The following MAN1A2 variants were observed in gnomAD, a reference collection of about 807,000 sequenced individuals.
MAN1A2 encodes mannosidase alpha class 1A member 2.
MAN1A2 carries 26 observed loss-of-function variants against 75.7 expected under a neutral mutation model. The observed-to-expected ratio is 0.34, with a 90% CI of 0.25 to 0.48. The LOEUF is 0.48. Among genes scored for constraint, MAN1A2 ranks in the 20% least tolerant of loss-of-function variants. MAN1A2 has a pLI of 0.99. For missense variants in MAN1A2, 562 were observed against 775.5 expected (o/e 0.72, Z 3.27); for synonymous variants, 247 against 264.6 (o/e 0.93, Z 0.65).
intron 5 of MAN1A2, among the ~76,000 whole-genome samples, chr1:117,425,126 G>A (rs74496340): frequency 0.12 from 17,616 of 141,112 alleles, 1,117 homozygotes; most frequent in Non-Finnish European, 0.14. Context: ...AGGGAAAGGG[G>A]GAAGGAAGGG....
At chr1:117,462,817 G>A (rs1358039324) in intron 7 of MAN1A2, among the ~76,000 whole-genome samples, 2 of 152,094 alleles carry the variant, frequency 1.3e-5, no homozygotes, top group African/African-American at 4.8e-5. Flanking sequence ...GACCCAATTC[G>A]TATAATTTGC....
intron 6 of MAN1A2, among the ~76,000 whole-genome samples, chr1:117,454,929 A>T (rs1337089523): frequency 1.3e-5 from 2 of 152,148 alleles, no homozygotes; most frequent in Admixed American, 1.3e-4. Flanking sequence ...TCATAAAAAA[A>T]TAAGCCGGTA....
At chr1:117,469,799 C>G (rs878979530) in intron 8 of MAN1A2, among the ~76,000 whole-genome samples, 1 of 152,058 alleles carries the variant, frequency 6.6e-6, no homozygotes, top group African/African-American at 2.4e-5. Flanking sequence ...ACTAGGAAGA[C>G]TGTAATCAAA....
intron 5 of MAN1A2, among the ~76,000 whole-genome samples, chr1:117,424,492 G>C (rs1648302832): frequency 6.6e-6 from 1 of 152,188 alleles, no homozygotes; most frequent in Admixed American, 6.5e-5. Context: ...TGTCCTTTCT[G>C]TGCCCTGGAA....
At chr1:117,434,663 C>G (rs543356921) in intron 5 of MAN1A2, among the ~76,000 whole-genome samples, 114 of 151,086 alleles carry the variant, frequency 7.5e-4, no homozygotes, top group Admixed American at 3.6e-3. Flanking sequence ...AACTATAAAC[C>G]TAAATTTGTA....
intron 7 of MAN1A2, among the ~76,000 whole-genome samples, chr1:117,461,680 A>G (rs965573752): frequency 6.6e-6 from 1 of 152,158 alleles, no homozygotes; most frequent in Non-Finnish European, 1.5e-5. Flanking sequence ...ATAAAAATTA[A>G]AAATAAAAAT....
intron 12 of MAN1A2, among the ~76,000 whole-genome samples, chr1:117,518,731 A>G (rs1464862415): frequency 6.6e-6 from 1 of 152,074 alleles, no homozygotes; most frequent in South Asian, 2.1e-4. Context: ...GCAACACAAC[A>G]ATAATGGAGG....
At chr1:117,418,543 A>T (rs751900893) in intron 4 of MAN1A2, among the ~76,000 whole-genome samples, 1 of 152,130 alleles carries the variant, frequency 6.6e-6, no homozygotes, top group Non-Finnish European at 1.5e-5. Context: ...TTTTCAGTTT[A>T]ATTTTAAAAA....
chr1:117,512,750 T>TATACAC (rs1553241970), intron 12 of MAN1A2, among the ~76,000 whole-genome samples: 5 of 143,766 alleles, frequency 3.5e-5, no homozygotes, highest in African/African-American at 1.0e-4. Context: ...GGCACTGGGA[T>TATACAC]ACACACACAC....
At chr1:117,451,015 A>G (rs900798926) in intron 6 of MAN1A2, among the ~76,000 whole-genome samples, 2 of 152,222 alleles carry the variant, frequency 1.3e-5, no homozygotes, top group Admixed American at 6.5e-5. Flanking sequence ...CCAGACCCCA[A>G]AATGGTAGAT....
intron 11 of MAN1A2, among the ~76,000 whole-genome samples, chr1:117,501,478 A>C (rs781420402): frequency 6.6e-6 from 1 of 151,770 alleles, no homozygotes; most frequent in Admixed American, 6.6e-5. Flanking sequence ...AGCCTTAGCT[A>C]TTCTGTTTAC....
intron 6 of MAN1A2, among the ~76,000 whole-genome samples, chr1:117,458,904 A>G (rs1338772292): frequency 6.6e-6 from 1 of 152,172 alleles, no homozygotes; most frequent in African/African-American, 2.4e-5. Flanking sequence ...GGAATAATCC[A>G]GGAACTCTGC....
At chr1:117,510,240 G>A (rs879348259) in intron 12 of MAN1A2, among the ~76,000 whole-genome samples, 14 of 151,874 alleles carry the variant, frequency 9.2e-5, no homozygotes, top group Non-Finnish European at 1.5e-4. Flanking sequence ...GGATGACTAG[G>A]GCAGTGGCAT....
intron 1 of MAN1A2, among the ~76,000 whole-genome samples, chr1:117,400,097 C>T (rs1647369682): frequency 6.6e-6 from 1 of 152,000 alleles, no homozygotes; most frequent in South Asian, 2.1e-4. Context: ...CTGCCTGAGT[C>T]GCCTGAACAG....
intron 8 of MAN1A2, among the ~76,000 whole-genome samples, chr1:117,472,384 T>C (rs1454953075): frequency 6.6e-6 from 1 of 152,046 alleles, no homozygotes; most frequent in East Asian, 1.9e-4. Context: ...GATAGTATTA[T>C]AGGAATATAT....
rs114888373 is a variant in MAN1A2, at chr1:117,479,140, A to G, written c.1168+12713A>G. On this transcript the variant is annotated intron_variant, in intron 8 of 12. Coordinates refer to ENST00000356554, the MANE Select transcript of MAN1A2 (RefSeq NM_006699.5). The stretch of plus-strand genomic sequence containing the variant: ...CCCCATGTATCCATGTGTTCTCATC[A>G]TTCTGCACTCACTTATAAGTGAGAA... Among the ~76,000 whole-genome samples, 584 of 151,694 alleles carry G rather than the reference A, an allele frequency of 3.8e-3. 7 individuals carry two copies. The highest frequency in any genetic ancestry group is 0.013 in the African/African-American group (555 of 41,408).
At chr1:117,438,811 C>G (rs938297397) in intron 5 of MAN1A2, among the ~76,000 whole-genome samples, 3 of 152,146 alleles carry the variant, frequency 2.0e-5, no homozygotes, top group East Asian at 1.9e-4. Flanking sequence ...GCCTTACCAT[C>G]TAGGTTTGTG....
chr1:117,495,697 T>C (rs943974452), intron 9 of MAN1A2, among the ~76,000 whole-genome samples: 4 of 151,880 alleles, frequency 2.6e-5, no homozygotes, highest in African/African-American at 4.8e-5. Flanking sequence ...AACATATGGA[T>C]ACCATCTTTA....
At chr1:117,459,451 C>T (rs1376067699) in intron 6 of MAN1A2, among the ~76,000 whole-genome samples, 1 of 152,156 alleles carries the variant, frequency 6.6e-6, no homozygotes, top group Non-Finnish European at 1.5e-5. Context: ...TTGGTAAATA[C>T]CCCTGGCTTC....
Sources: allele counts gnomAD v4.1 joint callset (sites outside exome capture counted in the v4.1 genomes callset), GRCh38; gene constraint gnomAD v4.1.1; transcripts MANE v1.5; gene names NCBI Gene and HGNC (gene_info 2026-07-23, HGNC 2026-07-21).